The following ISG20L2 variants were observed in gnomAD, a reference collection of about 807,000 sequenced individuals.
ISG20L2 encodes interferon stimulated exonuclease gene 20 like 2.
A neutral mutation model predicts 27.8 loss-of-function variants in ISG20L2; 14 were observed. The ratio of observed to expected loss-of-function variants is 0.50; its 90% CI spans 0.33 to 0.79. The LOEUF is 0.79. ISG20L2 is among the 30% of genes least tolerant of loss of function. ISG20L2 has a pLI of 0.02. For missense variants in ISG20L2, 393 were observed against 435.1 expected, an observed-to-expected ratio of 0.90 and a Z score of 0.86; for synonymous variants, 157 against 165.7, an observed-to-expected ratio of 0.95 and a Z score of 0.40.
intron 2 of ISG20L2, chr1:156,725,995 G>T (rs1350519379): frequency 2.0e-6 from 2 of 985,452 alleles, no homozygotes; most frequent in Non-Finnish European, 2.4e-6. Flanking sequence ...AGACCAGCAG[G>T]TCTCTTGCTC....
At chr1:156,726,027 C>A in intron 2 of ISG20L2, 4 of 985,402 alleles carry the variant, frequency 4.1e-6, no homozygotes, top group Non-Finnish European at 4.8e-6. Flanking sequence ...CCTCTTTCAC[C>A]CCTCCCAGCT....
rs1648557771 is a variant in ISG20L2 at position 156,721,905 on chromosome 1, T to C, written c.*1444A>G. On this transcript the variant is annotated 3_prime_UTR_variant, in exon 4 of 4. Coordinates refer to ENST00000368219, the MANE Select transcript of ISG20L2 (RefSeq NM_001370150.2). Reference sequence around the variant, plus strand: ...ACTGTACATAATTGCTTTTCCATTATAAAAATTTATCAAGGGAATAATTTG... The same window carrying C: ...ACTGTACATAATTGCTTTTCCATTACAAAAATTTATCAAGGGAATAATTTG... 6.6e-6 allele frequency: 1 copy of C among 152,220 alleles called. No homozygotes were observed. Among genetic ancestry groups the C allele is most frequent in the Non-Finnish European group, 1.5e-5 (1 of 68,038 alleles). The allele number at this position is 152,220 out of a possible 1,614,324, so 9.4% of individuals were successfully genotyped here. A position where few individuals can be genotyped will look rare whatever the true frequency, so the allele number is the denominator to read the frequency against.
chr1:156,727,719 T>G lies in ISG20L2; in HGVS notation c.-67A>C. The G allele has an allele frequency of 2.6e-6, 4 of 1,549,670 alleles. No individual in the cohort carries two copies. Among genetic ancestry groups the G allele is most frequent in the Non-Finnish European group, 3.5e-6 (4 of 1,156,060 alleles). ...TATGGATGAAAAGAGGATGTGGGAC[T>G]CATTCTCTGCTGAATCCTACTGTCC... On this transcript the variant is annotated 5_prime_UTR_variant, in exon 2 of 4. Transcript: ENST00000368219.
chr1:156,724,229 GA>G lies in ISG20L2; in HGVS notation c.866del (p.Leu289ProfsTer15), dbSNP rs1228271045. 3 of 1,613,940 alleles carry G rather than the reference GA, an allele frequency of 1.9e-6. No homozygotes were observed. Among genetic ancestry groups the G allele is most frequent in the South Asian group, 1.1e-5 (1 of 91,078 alleles). On this transcript the variant is annotated frameshift_variant, in exon 3 of 4. Transcript: ENST00000368219. LOFTEE classifies it high-confidence loss of function. The stretch of plus-strand genomic sequence containing the variant: ...TCTCCGGGCAGTCAGCCTTCCGGTT[GA>G]GGGGGGGGATATGGGAGGTGTCACG... ...LTRDTSHIPP[L>X]NRKADCPENA... is the part of the protein sequence containing the mutation.
At chr1:156,723,727 A>C in intron 3 of ISG20L2, 2 of 985,434 alleles carry the variant, frequency 2.0e-6, no homozygotes, top group Non-Finnish European at 2.4e-6. Flanking sequence ...GATAGAACAT[A>C]CCAGGTCAAA....
chr1:156,724,122 G>A (rs1344848190), intron 3 of ISG20L2, 26 bp downstream of exon 3: 1 of 1,586,786 alleles, frequency 6.3e-7, no homozygotes, highest in Non-Finnish European at 8.7e-7. Context: ...TCCAAGATGG[G>A]GGCGGGGGAT....
chr1:156,724,606 T>C (rs1362362146), intron 2 of ISG20L2: 2 of 1,239,888 alleles, frequency 1.6e-6, no homozygotes, highest in East Asian at 3.6e-5. Flanking sequence ...CTCCACCCCA[T>C]GACATTAATT....
Position 156,727,756 on chromosome 1 carries a change from G to A in ISG20L2, c.-104C>T. On this transcript the variant is annotated 5_prime_UTR_variant, in exon 2 of 4. Transcript: ENST00000368219. ...GAATCCTACTGTCCAACATGTGGAG[G>A]TCTGTAGTACACCCTGGGGAAGAAA... is the stretch of plus-strand genomic sequence containing the variant. 1.3e-6 allele frequency: 2 copies of A among 1,514,812 alleles called. No individual in the cohort carries two copies. Among genetic ancestry groups the A allele is most frequent in the Non-Finnish European group, 8.8e-7 (1 of 1,142,408 alleles). 93.8% of individuals were successfully genotyped at this position (1,514,812 alleles called of 1,614,324 possible). A position where few individuals can be genotyped will look rare whatever the true frequency, so the allele number is the denominator to read the frequency against.
Position 156,723,436 on chromosome 1 carries a change from C to T in ISG20L2, c.975G>A (p.Val325=). 1 of 1,614,164 alleles carries T rather than the reference C, an allele frequency of 6.2e-7. No homozygotes were observed. The highest frequency in any genetic ancestry group is 1.1e-5 in the South Asian group (1 of 91,082). Reference sequence around the variant, plus strand: ...GCTCCATGGTGGCCTGGGCATCTTCCACAGAGGAATGTCCGCTCTTCCCAA... The same window carrying T: ...GCTCCATGGTGGCCTGGGCATCTTCTACAGAGGAATGTCCGCTCTTCCCAA... ...IQVGKSGHSS[V]EDAQATMELY... is the part of the protein sequence containing the mutation. Residue 325 remains valine (V), a synonymous_variant, in exon 4 of 4, where the codon GTG becomes GTA. Transcript: ENST00000368219.
intron 2 of ISG20L2, chr1:156,725,987 A>G (rs1648740550): frequency 3.0e-6 from 3 of 985,482 alleles, no homozygotes; most frequent in Non-Finnish European, 3.6e-6. Flanking sequence ...GCCTCCTGAG[A>G]CCAGCAGGTC....
intron 1 of ISG20L2, 117 bp from the exon 2 acceptor site, chr1:156,727,886 G>C: frequency 7.8e-7 from 1 of 1,289,890 alleles, no homozygotes; most frequent in Non-Finnish European, 9.8e-7. Context: ...CTCAGACAGA[G>C]GGGAAATGAA....
At chr1:156,724,078 CAG>C in intron 3 of ISG20L2, 68 bp downstream of exon 3, 1 of 1,390,766 alleles carries the variant, frequency 7.2e-7, no homozygotes, top group Non-Finnish European at 1.0e-6. Context: ...CTTCTGAGAT[CAG>C]AGTCTGGCTA....
intron 2 of ISG20L2, chr1:156,726,494 T>A: frequency 2.3e-6 from 2 of 878,154 alleles, no homozygotes; most frequent in South Asian, 1.0e-4. Context: ...AGTGGTGTGA[T>A]CTCAGCTCAC....
Position 156,727,683 on chromosome 1 carries a change from G to GA in ISG20L2, c.-32dup. On this transcript the variant is annotated 5_prime_UTR_variant, in exon 2 of 4. Coordinates refer to ENST00000368219, the MANE Select transcript of ISG20L2 (RefSeq NM_001370150.2). Reference sequence around the variant, plus strand: ...CAATGGAAGGCGGAAGAGTAGTTGGGAAGAGTGGCTTATGGATGAAAAGAG... The same window carrying GA: ...CAATGGAAGGCGGAAGAGTAGTTGGGAAAGAGTGGCTTATGGATGAAAAGAG... 1 of 1,591,514 alleles carries GA rather than the reference G, an allele frequency of 6.3e-7. No individual in the cohort carries two copies.
chr1:156,722,218 G>A lies in ISG20L2; in HGVS notation c.*1131C>T, dbSNP rs374314943. 1.3e-5 allele frequency: 2 copies of A among 152,208 alleles called. No individual in the cohort carries two copies. Among genetic ancestry groups the A allele is most frequent in the African/African-American group, 4.8e-5 (2 of 41,516 alleles). The allele number at this position is 152,208 out of a possible 1,614,324, so 9.4% of individuals were successfully genotyped here. On this transcript the variant is annotated 3_prime_UTR_variant, in exon 4 of 4. Transcript: ENST00000368219. Reference sequence around the variant, plus strand: ...GACACAGGCTAGATACAGACTCTGAGCCAAAAGCAGACTCTGTGACATGGA... The same window carrying A: ...GACACAGGCTAGATACAGACTCTGAACCAAAAGCAGACTCTGTGACATGGA...
Position 156,724,277 on chromosome 1 carries a change from G to A in ISG20L2, c.819C>T (p.Tyr273=), listed in dbSNP as rs764737110. The A allele has an allele frequency of 6.8e-6, 11 of 1,614,146 alleles. No individual in the cohort carries two copies. Among genetic ancestry groups the A allele is most frequent in the South Asian group, 2.2e-5 (2 of 91,080 alleles). The part of the protein sequence containing the change: ...AIHNDFKALQ[Y]FHPKSLTRDT... ...CACGGGTGAGGGACTTGGGGTGAAA[G>A]TACTGAAGGGCTTTGAAGTCGTTGT... The change falls in exon 3 of 4, where the codon TAC becomes TAT. Residue 273 remains tyrosine, a synonymous_variant. Transcript: ENST00000368219.
At position 156,726,974 on chromosome 1, in the gene ISG20L2, T is replaced by G; in HGVS notation, c.679A>C (p.Thr227Pro). Residue 227 changes from threonine (T) to proline (P), a missense_variant, in exon 2 of 4, where the codon ACC becomes CCC. Transcript: ENST00000368219. Reference protein sequence around the residue: ...LPPCHIVDYRTRWSGIRKQHM... With the variant: ...LPPCHIVDYRPRWSGIRKQHM... ...TGCTTCCGGATACCACTCCACCTGG[T>G]TCGGTAGTCCACAATGTGGCAGGGG... is the stretch of plus-strand genomic sequence containing the variant. 1 of 1,614,206 alleles carries G rather than the reference T, an allele frequency of 6.2e-7. No individual in the cohort carries two copies. Among genetic ancestry groups the G allele is most frequent in the South Asian group, 1.1e-5 (1 of 91,086 alleles).
intron 1 of ISG20L2, chr1:156,728,111 G>A (rs74118752): frequency 2.2e-5 from 22 of 991,440 alleles, no homozygotes; most frequent in Non-Finnish European, 2.6e-5. Context: ...CTCCGCCTAG[G>A]AAAGGAACAT....
rs1648851104 is a variant in ISG20L2 at position 156,727,590 on chromosome 1, T to C, written c.63A>G (p.Gly21=). The change falls in exon 2 of 4, where the codon GGA becomes GGG. Residue 21 remains glycine, a synonymous_variant. Transcript: ENST00000368219. ...GEPPPKKALE[G]NAKHRNFVKK... ...TGACAAAATTTCGGTGCTTGGCATT[T>C]CCTTCTAATGCCTTTTTGGGAGGAG... 6.2e-7 allele frequency: 1 copy of C among 1,614,078 alleles called. No homozygotes were observed.
Sources: gnomAD v4.1 joint callset for allele counts on GRCh38, gnomAD v4.1.1 for gene constraint, MANE v1.5 for transcripts, NCBI Gene and HGNC (gene_info 2026-07-23, HGNC 2026-07-21) for gene names.